CELSR1: variants seen among roughly 807,000 people sequenced by gnomAD.
CELSR1 encodes adhesion G protein-coupled receptor C1.
Under a neutral mutation model 249.1 loss-of-function variants are expected in CELSR1, and 110 were observed. That is an observed-to-expected ratio of 0.44 (90% confidence interval 0.38 to 0.52). The LOEUF is 0.52. CELSR1 is among the 20% of genes least tolerant of loss of function. The probability of loss-of-function intolerance (pLI) is 0.00; values close to 1 mark genes in which losing one functional copy is unlikely to be tolerated. For missense variants in CELSR1, 4,109 were observed against 4,296.4 expected, an observed-to-expected ratio of 0.96 and a Z score of 1.22; for synonymous variants, 2,113 against 1,900.0, an observed-to-expected ratio of 1.11 and a Z score of -2.92.
intron 5 of CELSR1, among the ~76,000 whole-genome samples, chr22:46,424,154 C>CCTTCCA (rs1479880824): frequency 6.6e-6 from 1 of 152,034 alleles, no homozygotes; most frequent in East Asian, 1.9e-4. Context: ...ACAGCCTCGA[C>CCTTCCA]CTTCCAGGCC....
chr22:46,491,262 CTTTTTTTTTTT>C (rs58492957), intron 1 of CELSR1, among the ~76,000 whole-genome samples: 1 of 118,556 alleles, frequency 8.4e-6, no homozygotes, highest in Non-Finnish European at 1.7e-5. Context: ...CAGAAAGTCA[CTTTTTTTTTTT>C]TTTTTTTTGA....
intron 2 of CELSR1, among the ~76,000 whole-genome samples, chr22:46,455,183 C>A (rs1163864248): frequency 6.6e-6 from 1 of 152,174 alleles, no homozygotes; most frequent in Non-Finnish European, 1.5e-5. Context: ...CCTGCAGGGA[C>A]CTTGGCTTTG....
At chr22:46,498,276 A>AT (rs59664341) in intron 1 of CELSR1, among the ~76,000 whole-genome samples, 2 of 65,820 alleles carry the variant, frequency 3.0e-5, no homozygotes, top group Non-Finnish European at 6.4e-5. Context: ...AAAAAAAAAA[A>AT]GCGAAACTCT....
intron 9 of CELSR1, 154 bp from the exon 10 acceptor site, chr22:46,400,056 G>A (rs1012314065): frequency 1.3e-5 from 10 of 755,006 alleles, no homozygotes; most frequent in South Asian, 1.9e-5. Context: ...TTGGCCAGGT[G>A]CGGTGGCTCA....
chr22:46,535,048 G>C lies in CELSR1; in HGVS notation c.2123C>G (p.Thr708Ser). ...EDAAVGSSVL[T>S]LQARDRDANS... Reference sequence around the variant, plus strand: ...GGCGTCACGGTCGCGGGCCTGCAGGGTCAGCACGCTGCTCCCCACGGCCGC... The same window carrying C: ...GGCGTCACGGTCGCGGGCCTGCAGGCTCAGCACGCTGCTCCCCACGGCCGC... The change falls in exon 1 of 35, where the codon ACC becomes AGC. Residue 708 changes from threonine (T) to serine (S), a missense_variant. By Grantham distance (58) the Thr-to-Ser change is moderately conservative. Coordinates refer to ENST00000674500, the MANE Select transcript of CELSR1 (RefSeq NM_001378328.1). 5 of 1,612,568 alleles carry C rather than the reference G, an allele frequency of 3.1e-6. No homozygotes were observed. The highest frequency in any genetic ancestry group is 4.2e-6 in the Non-Finnish European group (5 of 1,179,996).
At position 46,490,149 on chromosome 22, in the gene CELSR1, G is replaced by C. The variant is rs1053595517; in HGVS notation, c.3545-25804C>G. Among the ~76,000 whole-genome samples the C allele has an allele frequency of 2.8e-4, 42 of 152,130 alleles. No homozygotes were observed. The highest frequency in any genetic ancestry group is 9.7e-4 in the African/African-American group (40 of 41,440). On this transcript the variant is annotated intron_variant, in intron 1 of 34. Coordinates refer to ENST00000674500, the MANE Select transcript of CELSR1 (RefSeq NM_001378328.1). The surrounding 1 kb of genome is among the most constrained non-coding windows in gnomAD (Gnocchi z 5.2). ...CATGTCGACATGGCACTTCTACCTGGAGTGCATGGGTCCTGCTCTCCTCCA... is the reference window on the plus strand; with the variant it reads ...CATGTCGACATGGCACTTCTACCTGCAGTGCATGGGTCCTGCTCTCCTCCA...
chr22:46,378,474 G>A (rs1487442403), intron 23 of CELSR1, 117 bp downstream of exon 23: 5 of 1,141,890 alleles, frequency 4.4e-6, no homozygotes, highest in Non-Finnish European at 6.2e-6. Flanking sequence ...ACAGATTTGG[G>A]GGCAGGCTCA....
chr22:46,403,344 C>A (rs1487125520), intron 9 of CELSR1, among the ~76,000 whole-genome samples: 1 of 149,594 alleles, frequency 6.7e-6, no homozygotes, highest in Non-Finnish European at 1.5e-5. Flanking sequence ...GTCAGGAGAT[C>A]GAGGCCATCC....
chr22:46,468,258 T>C lies in CELSR1; in HGVS notation c.3545-3913A>G, dbSNP rs144910396. On this transcript the variant is annotated intron_variant, in intron 1 of 34. Transcript: ENST00000674500. The surrounding 1 kb of genome is among the most constrained non-coding windows in gnomAD (Gnocchi z 4.5). ...AAAATTAGCTGGGCGTGGTGGTGCA[T>C]GCCTGTAATCTTAGCTACTCGGGAG... 0.024 allele frequency among the ~76,000 whole-genome samples: 3,687 copies of C among 151,828 alleles called. 124 individuals carry two copies. Among genetic ancestry groups the C allele is most frequent in the African/African-American group, 0.083 (3,449 of 41,364 alleles).
intron 1 of CELSR1, among the ~76,000 whole-genome samples, chr22:46,513,845 GC>G (rs2147773582): frequency 6.6e-6 from 1 of 152,248 alleles, no homozygotes; most frequent in East Asian, 1.9e-4. Flanking sequence ...AGGCTGGAGT[GC>G]AGTGGCACAA....
Position 46,398,484 on chromosome 22 carries a change from A to AGG in CELSR1, c.5526+38_5526+39dup. 7.0e-7 allele frequency: 1 copy of AGG among 1,429,976 alleles called. No homozygotes were observed. The highest frequency in any genetic ancestry group is 1.8e-4 in the Middle Eastern group (1 of 5,606). 88.6% of individuals were successfully genotyped at this position (1,429,976 alleles called of 1,614,324 possible). ...GCTGCCAGCCTCGGAGCTGCCTGTG[A>AGG]GGGGCAGGCCTCCCCCCGCCCCCCA... is the stretch of plus-strand genomic sequence containing the variant. On this transcript the variant is annotated intron_variant, in intron 11 of 34. Transcript: ENST00000674500. This position sits in a 1 kb window ranked among gnomAD's most constrained non-coding sequence, Gnocchi z 7.2.
intron 2 of CELSR1, among the ~76,000 whole-genome samples, chr22:46,453,114 C>T (rs2079905642): frequency 6.6e-6 from 1 of 152,170 alleles, no homozygotes; most frequent in Admixed American, 6.5e-5. Context: ...GTTGGGGGGC[C>T]TGGATGTGGG....
At position 46,518,160 on chromosome 22, in the gene CELSR1, T is replaced by C. The variant is rs2080647941; in HGVS notation, c.3544+15467A>G. Among the ~76,000 whole-genome samples, 1 of 152,152 alleles carries C rather than the reference T, an allele frequency of 6.6e-6. No homozygotes were observed. The highest frequency in any genetic ancestry group is 2.4e-5 in the African/African-American group (1 of 41,432). On this transcript the variant is annotated intron_variant, in intron 1 of 34. Coordinates refer to ENST00000674500, the MANE Select transcript of CELSR1 (RefSeq NM_001378328.1). The surrounding 1 kb of genome is among the most constrained non-coding windows in gnomAD (Gnocchi z 5.2). ...CCTCAGGTGATGTGATCCATCCATC[T>C]CGACCTCCCAAAGTGCTGTGATTGC...
rs1011061446 is a variant in CELSR1 at position 46,445,424 on chromosome 22, G to A, written c.4184-6013C>T. ...CAGGAGAATCTCTTGAATCCAGGAGGTAGAGATTGCGGTGAACCAAAAATT... is the reference window on the plus strand; with the variant it reads ...CAGGAGAATCTCTTGAATCCAGGAGATAGAGATTGCGGTGAACCAAAAATT... On this transcript the variant is annotated intron_variant, in intron 2 of 34. Coordinates refer to ENST00000674500, the MANE Select transcript of CELSR1 (RefSeq NM_001378328.1). The surrounding 1 kb of genome is among the most constrained non-coding windows in gnomAD (Gnocchi z 4.4). 6.6e-6 allele frequency among the ~76,000 whole-genome samples: 1 copy of A among 152,226 alleles called. No individual in the cohort carries two copies. The highest frequency in any genetic ancestry group is 6.5e-5 in the Admixed American group (1 of 15,280).
Position 46,367,226 on chromosome 22 carries a change from C to T in CELSR1, c.8080-108G>A, listed in dbSNP as rs148332915. ...CAGCCTTGAGTGCACACAACATGTC[C>T]GGCCACACGGCCCAGGACACGGCCA... On this transcript the variant is annotated intron_variant, in intron 28 of 34. Transcript: ENST00000674500. 12,542 of 1,403,504 alleles carry T rather than the reference C, an allele frequency of 8.9e-3. 72 individuals carry two copies. The highest frequency in any genetic ancestry group is 0.012 in the East Asian group (469 of 40,120). 86.9% of individuals were successfully genotyped at this position (1,403,504 alleles called of 1,614,324 possible). A position where few individuals can be genotyped will look rare whatever the true frequency, so the allele number is the denominator to read the frequency against.
At position 46,377,249 on chromosome 22, in the gene CELSR1, G is replaced by A. The variant is rs1259887721; in HGVS notation, c.7396C>T (p.Leu2466=). Residue 2466 remains leucine (L), a synonymous_variant, in exon 24 of 35, where the codon CTG becomes TTG. Coordinates refer to ENST00000674500, the MANE Select transcript of CELSR1 (RefSeq NM_001378328.1). ...GCATAGGTGACAATCTTCAGAGGCA[G>A]GACCTCCCCGTTCTATGGGCAGGAG... The part of the protein sequence containing the change: ...DISRRENGEV[L]PLKIVTYAAV... The A allele has an allele frequency of 6.2e-7, 1 of 1,613,970 alleles. No individual in the cohort carries two copies. The highest frequency in any genetic ancestry group is 8.5e-7 in the Non-Finnish European group (1 of 1,180,012).
At chr22:46,528,409 C>T (rs1013280820) in intron 1 of CELSR1, among the ~76,000 whole-genome samples, 1 of 152,178 alleles carries the variant, frequency 6.6e-6, no homozygotes, top group African/African-American at 2.4e-5. Flanking sequence ...GCCAATCATT[C>T]TCACCCACAA....
At chr22:46,498,229 A>G (rs980747836) in intron 1 of CELSR1, among the ~76,000 whole-genome samples, 1 of 133,536 alleles carries the variant, frequency 7.5e-6, no homozygotes, top group African/African-American at 2.9e-5. Flanking sequence ...AGCCTGGGCA[A>G]CAAGAGTGAA....
chr22:46,377,292 A>G lies in CELSR1; in HGVS notation c.7384-31T>C, dbSNP rs987939756. The G allele has an allele frequency of 2.5e-6, 4 of 1,607,744 alleles. No homozygotes were observed. In the African/African-American group the frequency reaches 5.3e-5, roughly 21 times the overall value. On this transcript the variant is annotated intron_variant, in intron 23 of 34. Coordinates refer to ENST00000674500, the MANE Select transcript of CELSR1 (RefSeq NM_001378328.1). ...GGCAGGAGGGTTAAAGGCAGGAGAG[A>G]AGGTAAGGGCCGAGGCTCAGATCTG...
Sources: allele counts gnomAD v4.1 joint callset (sites outside exome capture counted in the v4.1 genomes callset), GRCh38; gene constraint gnomAD v4.1.1; non-coding constraint Gnocchi (gnomAD v3.1); transcripts MANE v1.5; gene names NCBI Gene and HGNC (gene_info 2026-07-23, HGNC 2026-07-21).